NBPF8: variants seen among roughly 807,000 people sequenced by gnomAD.
The protein encoded by NBPF8 is NBPF member 8, also known as NBPF family member NBPF8.
At chr1:120,425,196 G>A (rs1173769123) in intron 1 of NBPF8, among the ~76,000 whole-genome samples, 13 of 152,096 alleles carry the variant, frequency 8.5e-5, no homozygotes, top group African/African-American at 2.7e-4. Flanking sequence ...AGGAGGATTA[G>A]TAAAAGAGGA....
exon 25 of NBPF8, chr1:120,466,093 A>C: frequency 2.5e-6 from 4 of 1,611,748 alleles, no homozygotes; most frequent in Admixed American, 3.3e-5. Context: ...CCAGCACTAC[A>C]GAAGTGTGTT....
intron 1 of NBPF8, among the ~76,000 whole-genome samples, chr1:120,425,582 G>T (rs1242255719): frequency 3.9e-5 from 6 of 152,118 alleles, no homozygotes; most frequent in Non-Finnish European, 7.3e-5. Context: ...TGCCAGCATG[G>T]GTCCTCCGTA....
At chr1:120,466,087 C>A (rs1570947916) in exon 25 of NBPF8, 1 of 1,611,780 alleles carries the variant, frequency 6.2e-7, no homozygotes, top group South Asian at 1.1e-5. Flanking sequence ...CTCATTCCAG[C>A]ACTACAGAAG....
chr1:120,453,547 T>C (rs1553249240), intron 14 of NBPF8, 103 bp downstream of exon 12: 507,533 of 944,560 alleles, frequency 0.54, 171,420 homozygotes, highest in African/African-American at 0.89. Flanking sequence ...AACCCGCATT[T>C]GCTTAGCCAC....
At chr1:120,434,431 G>T (rs1553247502), upstream of NBPF8, among the ~76,000 whole-genome samples, 1 of 141,632 alleles carries the variant, frequency 7.1e-6, no homozygotes, top group Non-Finnish European at 1.5e-5. Context: ...ATATATATAC[G>T]TGTGCCATGT....
chr1:120,450,978 CT>C (rs1661253062), intron 11 of NBPF8, among the ~76,000 whole-genome samples: 1 of 150,876 alleles, frequency 6.6e-6, no homozygotes, highest in African/African-American at 2.4e-5. Context: ...CCTTGAGGTT[CT>C]CTTTCTTCAT....
chr1:120,460,725 C>G, intron 18 of NBPF8, 101 bp downstream of exon 16: 3 of 960,768 alleles, frequency 3.1e-6, no homozygotes, highest in Non-Finnish European at 4.9e-6. Context: ...TTTGTCTTGT[C>G]AGACAAGTCT....
chr1:120,427,986 G>A (rs2101531645), intron 3 of NBPF8, among the ~76,000 whole-genome samples, 139 bp downstream of exon 3: 1 of 152,266 alleles, frequency 6.6e-6, no homozygotes, highest in South Asian at 2.1e-4. Flanking sequence ...AAATGATGAT[G>A]TCCCTTGTTC....
At chr1:120,454,051 G>A (rs1553249369) in exon 15 of NBPF8, 4 of 1,613,138 alleles carry the variant, frequency 2.5e-6, no homozygotes, top group African/African-American at 2.7e-5. Flanking sequence ...AGACAAAGTC[G>A]ACTCAGCTCT....
exon 25 of NBPF8, chr1:120,466,071 A>C (rs1346758196): frequency 1.7e-5 from 28 of 1,611,850 alleles, no homozygotes; most frequent in Non-Finnish European, 2.4e-5. Flanking sequence ...ACTGTGAACT[A>C]CGTGACTCAT....
chr1:120,452,045 T>A, intron 12 of NBPF8, 72 bp from the exon 11 acceptor site: 1 of 1,424,510 alleles, frequency 7.0e-7, no homozygotes, highest in Non-Finnish European at 9.9e-7. Context: ...GTCTCAGAAG[T>A]CTCTGTTGCA....
intron 8 of NBPF8, among the ~76,000 whole-genome samples, chr1:120,446,230 T>C (rs1661157854): frequency 7.2e-6 from 1 of 139,774 alleles, no homozygotes; most frequent in South Asian, 2.4e-4. Flanking sequence ...GGTCACAGTA[T>C]TGCAAGTGTC....
At position 120,427,831 on chromosome 1, in the gene NBPF8, T is replaced by A. The variant is rs1442336416; in HGVS notation, n.494T>A. On this transcript the variant is annotated non_coding_transcript_exon_variant, in exon 3 of 29. An upstream open reading frame in the 5' UTR gains an earlier in-frame stop. Transcript: ENST00000652355. The stretch of plus-strand genomic sequence containing the variant: ...AGCAGCCGCCAGTTGGGATCAAATG[T>A]GAGCCTATGGATCAAGGTGCGTACT... 5.5e-5 allele frequency among the ~76,000 whole-genome samples: 8 copies of A among 145,576 alleles called. No homozygotes were observed. Among genetic ancestry groups the A allele is most frequent in the Non-Finnish European group, 9.0e-5 (6 of 66,680 alleles).
chr1:120,432,419 C>T (rs1660906137), upstream of NBPF8: 1 of 116,890 alleles, frequency 8.6e-6, no homozygotes, highest in Non-Finnish European at 1.8e-5. Context: ...ACCACTCAGT[C>T]GGTACTGAAA....
rs1661559473 is a variant in NBPF8 at position 120,460,680 on chromosome 1, G to A, written n.2836+56G>A. ...TGATGTTGACACCTGGAGATGCCAA[G>A]TCCAGGGAAAACAGTACATGCTGAA... On this transcript the variant is annotated intron_variant and non_coding_transcript_variant, in intron 18 of 24. Transcript: ENST00000583271. 3 of 856,498 alleles carry A rather than the reference G, an allele frequency of 3.5e-6. No homozygotes were observed. In the Admixed American group the frequency reaches 5.1e-5, roughly 15 times the overall value. 53.1% of individuals were successfully genotyped at this position (856,498 alleles called of 1,614,324 possible). A position where few individuals can be genotyped will look rare whatever the true frequency, so the allele number is the denominator to read the frequency against.
chr1:120,425,264 G>A (rs1159507595), intron 1 of NBPF8, among the ~76,000 whole-genome samples: 1 of 151,884 alleles, frequency 6.6e-6, no homozygotes, highest in Non-Finnish European at 1.5e-5. Flanking sequence ...CCTCGTCCCT[G>A]GGCAATGGAA....
chr1:120,449,572 G>A (rs1160236324), intron 11 of NBPF8, among the ~76,000 whole-genome samples, 170 bp downstream of exon 9: 2 of 150,994 alleles, frequency 1.3e-5, no homozygotes, highest in African/African-American at 2.4e-5. Context: ...AGGTACCAAA[G>A]TATTTAGCAA....
intron 14 of NBPF8, among the ~76,000 whole-genome samples, 174 bp downstream of exon 12, chr1:120,453,618 T>G (rs1269881408): frequency 3.3e-5 from 5 of 151,700 alleles, no homozygotes; most frequent in African/African-American, 1.2e-4. Flanking sequence ...TTTCTCTATG[T>G]GTGCCGAGTG....
chr1:120,421,247 T>C (rs1660566079), intron 1 of NBPF8, among the ~76,000 whole-genome samples: 1 of 152,192 alleles, frequency 6.6e-6, no homozygotes, highest in African/African-American at 2.4e-5. Context: ...TTTACAGTAG[T>C]GCGTCTGTCT....
Sources: gnomAD v4.1 joint callset for allele counts (sites outside exome capture counted in the v4.1 genomes callset) on GRCh38, gnomAD v4.1.1 for gene constraint, MANE v1.5 for transcripts, NCBI Gene and HGNC (gene_info 2026-07-23, HGNC 2026-07-21) for gene names.